C19orf38: variants seen among roughly 807,000 people sequenced by gnomAD.
The protein encoded by C19orf38 is chromosome 19 open reading frame 38.
C19orf38 carries 14 observed loss-of-function variants against 26.6 expected under a neutral mutation model. That is an observed-to-expected ratio of 0.53 (90% CI 0.35 to 0.82). The LOEUF is 0.82. Ranked by LOEUF, C19orf38 falls within the 40% of genes least tolerant of loss-of-function variation. The pLI, the probability that C19orf38 is intolerant of heterozygous loss-of-function variation, is 0.01. For synonymous variants in C19orf38, 132 were observed against 128.5 expected (o/e 1.03, Z -0.18); for missense variants, 261 against 299.5 (o/e 0.87, Z 0.95).
At chr19:10,849,132 A>T (rs1335885063) in intron 1 of C19orf38, among the ~76,000 whole-genome samples, 1 of 105,708 alleles carries the variant, frequency 9.5e-6, no homozygotes, top group African/African-American at 3.7e-5. Context: ...CACCCACCTC[A>T]CTCACCCCCT....
Position 10,850,354 on chromosome 19 carries a change from A to G in C19orf38, c.127A>G (p.Asn43Asp). 1 of 1,551,236 alleles carries G rather than the reference A, an allele frequency of 6.4e-7. No homozygotes were observed. The highest frequency in any genetic ancestry group is 8.7e-7 in the Non-Finnish European group (1 of 1,146,852). Residue 43 changes from asparagine (N) to aspartate (D), a missense_variant, in exon 2 of 7, where the codon AAC becomes GAC. Transcript: ENST00000397820. ...CCACATCGCATGCATGGCCCCTGGG[A>G]ACTTCCCGGGGGCGAATTTCACACT... ...PIHIACMAPG[N>D]FPGANFTLYR...
intron 4 of C19orf38, 68 bp from the exon 5 acceptor site, chr19:10,859,847 C>G: frequency 1.4e-6 from 2 of 1,451,160 alleles, no homozygotes; most frequent in South Asian, 2.4e-5. Flanking sequence ...CCAGGGCTTT[C>G]CCGATCAAGC....
rs2073562536 is a variant in C19orf38 at position 10,850,558 on chromosome 19, T to A, written c.331T>A (p.Ser111Thr). Residue 111 changes from serine (S) to threonine (T), a missense_variant, in exon 2 of 7, where the codon TCC (serine) becomes ACC (threonine). By Grantham distance (58) the Ser-to-Thr change is moderately conservative (BLOSUM62 1). Transcript: ENST00000397820. ...LSDLSEPVNV[S>T]FPVPTWILVL... ...AGACCTCAGCGAGCCCGTGAACGTC[T>A]CCTTCCCAGGTAAGGCCCTTCTATG... 1 of 1,551,400 alleles carries A rather than the reference T, an allele frequency of 6.4e-7. No individual in the cohort carries two copies. Among genetic ancestry groups the A allele is most frequent in the Admixed American group, 2.0e-5 (1 of 50,952 alleles).
chr19:10,851,740 G>A (rs940048632), intron 2 of C19orf38, among the ~76,000 whole-genome samples: 5 of 151,830 alleles, frequency 3.3e-5, no homozygotes, highest in African/African-American at 7.2e-5. Flanking sequence ...AGGCCGAGGC[G>A]GGTGGATCAT....
At chr19:10,848,356 C>G (rs1279290596), upstream of C19orf38, 4 of 762,556 alleles carry the variant, frequency 5.2e-6, no homozygotes, top group South Asian at 1.6e-5. Context: ...AGTGCCCAAG[C>G]CTGTGTGTGC....
chr19:10,858,732 C>A (rs2073657619), intron 4 of C19orf38, among the ~76,000 whole-genome samples: 1 of 152,018 alleles, frequency 6.6e-6, no homozygotes, highest in African/African-American at 2.4e-5. Flanking sequence ...CTAAAGAATG[C>A]CCCTGGGGTT....
upstream of C19orf38, among the ~76,000 whole-genome samples, chr19:10,847,099 C>A (rs1469572050): frequency 1.3e-5 from 2 of 152,172 alleles, no homozygotes; most frequent in African/African-American, 2.4e-5. Context: ...GCAAACCTGA[C>A]TGGCTTGAAC....
At chr19:10,847,000 T>C (rs1016588353), upstream of C19orf38, among the ~76,000 whole-genome samples, 1 of 152,182 alleles carries the variant, frequency 6.6e-6, no homozygotes, top group East Asian at 1.9e-4. Context: ...GATTGAACTT[T>C]CTGTGTCCAA....
intron 6 of C19orf38, among the ~76,000 whole-genome samples, chr19:10,866,393 G>A (rs1219627878): frequency 7.4e-6 from 1 of 134,496 alleles, no homozygotes; most frequent in African/African-American, 2.8e-5. Flanking sequence ...TTTAGTAGAA[G>A]CGGAGTTTCT....
intron 1 of C19orf38, 150 bp from the exon 2 acceptor site, chr19:10,850,109 T>C (rs931518760): frequency 1.5e-6 from 1 of 678,574 alleles, no homozygotes; most frequent in Non-Finnish European, 2.4e-6. Flanking sequence ...GCCGTCACCA[T>C]GTGCCAGGCA....
chr19:10,867,739 G>A (rs1231834322), intron 6 of C19orf38, among the ~76,000 whole-genome samples: 2 of 114,636 alleles, frequency 1.7e-5, no homozygotes, highest in African/African-American at 6.9e-5. Context: ...TGCCACCTCT[G>A]CCTCCCAGCC....
intron 3 of C19orf38, among the ~76,000 whole-genome samples, chr19:10,857,290 A>ATG (rs1434727476): frequency 7.4e-5 from 10 of 135,046 alleles, no homozygotes; most frequent in South Asian, 2.5e-4. Context: ...ATGTGTGTGT[A>ATG]TGTATATATA....
intron 5 of C19orf38, among the ~76,000 whole-genome samples, chr19:10,860,747 A>G (rs1184653211): frequency 2.0e-5 from 3 of 150,620 alleles, no homozygotes; most frequent in African/African-American, 7.3e-5. Context: ...AGGCTGAGGC[A>G]GGAGAATGGC....
At chr19:10,854,884 C>T (rs369262039) in intron 2 of C19orf38, among the ~76,000 whole-genome samples, 5 of 152,106 alleles carry the variant, frequency 3.3e-5, no homozygotes, top group African/African-American at 1.2e-4. Flanking sequence ...AGTCAGTTTA[C>T]ATGGCTGACT....
chr19:10,858,192 C>T (rs1362602025), intron 3 of C19orf38, 124 bp from the exon 4 acceptor site: 59 of 918,122 alleles, frequency 6.4e-5, no homozygotes, highest in Non-Finnish European at 9.0e-5. Flanking sequence ...TGAGCCACTG[C>T]ACTCCAGCCT....
chr19:10,868,397 T>G (rs2073772899), intron 6 of C19orf38, among the ~76,000 whole-genome samples: 1 of 152,122 alleles, frequency 6.6e-6, no homozygotes, highest in Admixed American at 6.5e-5. Flanking sequence ...CAAATTCATC[T>G]CTCTTTAACT....
chr19:10,856,103 G>A (rs1322815557), intron 2 of C19orf38, among the ~76,000 whole-genome samples, 162 bp from the exon 3 acceptor site: 1 of 152,168 alleles, frequency 6.6e-6, no homozygotes, highest in African/African-American at 2.4e-5. Context: ...AGCCAGGAGC[G>A]GGGGATAGGC....
chr19:10,850,226 A>G (rs2073555246), intron 1 of C19orf38, 33 bp from the exon 2 acceptor site: 1 of 1,517,196 alleles, frequency 6.6e-7, no homozygotes, highest in African/African-American at 1.4e-5. Flanking sequence ...CACTCTCACC[A>G]CGCACCCACC....
chr19:10,868,289 C>G (rs1387120243), intron 6 of C19orf38, among the ~76,000 whole-genome samples: 1 of 152,174 alleles, frequency 6.6e-6, no homozygotes, highest in Non-Finnish European at 1.5e-5. Context: ...AACAAGGACA[C>G]TGAGGCTGAT....
Sources: gnomAD v4.1 joint callset for allele counts (sites outside exome capture counted in the v4.1 genomes callset) on GRCh38, gnomAD v4.1.1 for gene constraint, MANE v1.5 for transcripts, NCBI Gene and HGNC (gene_info 2026-07-23, HGNC 2026-07-21) for gene names.